ZNF790: variants seen among roughly 807,000 people sequenced by gnomAD.
ZNF790 encodes the protein zinc finger protein 790.
In ZNF790, 8 loss-of-function variants were observed where a neutral mutation model predicts 12.1. The observed-to-expected ratio is 0.66, with a 90% CI of 0.39 to 1.19. The LOEUF (loss-of-function observed/expected upper bound fraction) is 1.19, where lower values mean the gene tolerates loss of function less well. Among genes scored for constraint, ZNF790 ranks in the 50% most tolerant of loss-of-function variants. The pLI, the probability that ZNF790 is intolerant of heterozygous loss-of-function variation, is 0.01. For synonymous variants in ZNF790, 252 were observed against 244.3 expected (o/e 1.03, Z -0.29); for missense variants, 707 against 752.2 (o/e 0.94, Z 0.70).
At chr19:36,827,802 T>C (rs556662644) in intron 1 of ZNF790, 2 of 152,286 alleles carry the variant, frequency 1.3e-5, no homozygotes, top group South Asian at 2.1e-4. Context: ...GATCCTGTTA[T>C]GAAAAGCCCT....
rs775716349 is a variant in ZNF790, at chr19:36,819,182, G to C, written c.1162C>G (p.His388Asp). 2 of 1,613,972 alleles carry C rather than the reference G, an allele frequency of 1.2e-6. No individual in the cohort carries two copies. The highest frequency in any genetic ancestry group is 2.2e-5 in the South Asian group (2 of 91,072). Residue 388 changes from histidine to aspartate, a missense_variant, in exon 5 of 5, where the codon CAT becomes GAT. By Grantham distance (81) the His-to-Asp change is moderately conservative (BLOSUM62 -1). Coordinates refer to ENST00000356725, the MANE Select transcript of ZNF790 (RefSeq NM_206894.4). ...GSNLAQHQNV[H>D]VGRKPYKCEK... ...CATTTATAAGGTTTCCTACCAACAT[G>C]AACATTCTGATGTTGAGCAAGATTT...
chr19:36,827,668 A>C (rs1479135898), intron 1 of ZNF790: 1 of 152,226 alleles, frequency 6.6e-6, no homozygotes, highest in African/African-American at 2.4e-5. Flanking sequence ...CAGAGAAGAC[A>C]GGGCAAGGTG....
At chr19:36,827,141 C>CACATATATAT (rs1313807327) in intron 1 of ZNF790, among the ~76,000 whole-genome samples, 38 of 84,440 alleles carry the variant, frequency 4.5e-4, no homozygotes, top group East Asian at 1.5e-3. Context: ...CACACACACA[C>CACATATATAT]ATATATATAT....
At chr19:36,825,770 T>C (rs1285056299) in intron 1 of ZNF790, 78 bp from the exon 2 acceptor site, 1 of 844,780 alleles carries the variant, frequency 1.2e-6, no homozygotes. Flanking sequence ...TTTTCTTCCT[T>C]GGAGGTAAGT....
chr19:36,838,146 A>ACAC lies in ZNF790; in HGVS notation c.-74+190_-74+191insGTG, dbSNP rs2072089070. The ACAC allele has an allele frequency of 6.7e-6, 1 of 150,346 alleles. No homozygotes were observed. Among genetic ancestry groups the ACAC allele is most frequent in the Admixed American group, 6.6e-5 (1 of 15,078 alleles). 9.3% of individuals were successfully genotyped at this position (150,346 alleles called of 1,614,324 possible). A position where few individuals can be genotyped will look rare whatever the true frequency, so the allele number is the denominator to read the frequency against. Reference sequence around the variant, plus strand: ...CACACACATACACACACACACACACAAGCTCCCGTCGCGGCCCCAGCTCCT... The same window carrying ACAC: ...CACACACATACACACACACACACACACACAGCTCCCGTCGCGGCCCCAGCTCCT... On this transcript the variant is annotated intron_variant, in intron 1 of 4. Coordinates refer to ENST00000356725, the MANE Select transcript of ZNF790 (RefSeq NM_206894.4). This position sits in a 1 kb window ranked among gnomAD's most constrained non-coding sequence, Gnocchi z 4.4.
At chr19:36,832,569 T>A (rs1346008766) in intron 1 of ZNF790, among the ~76,000 whole-genome samples, 1 of 152,032 alleles carries the variant, frequency 6.6e-6, no homozygotes, top group Non-Finnish European at 1.5e-5. Flanking sequence ...GAGAGCCACG[T>A]TGGAAGGTGA....
At chr19:36,832,925 T>G (rs1435115246) in intron 1 of ZNF790, among the ~76,000 whole-genome samples, 1 of 150,834 alleles carries the variant, frequency 6.6e-6, no homozygotes, top group African/African-American at 2.4e-5. Context: ...GAGGACTGCC[T>G]TGAGGCCAGG....
Position 36,823,274 on chromosome 19 carries a change from C to T in ZNF790, c.229+11G>A, listed in dbSNP as rs2071716485. On this transcript the variant is annotated intron_variant, in intron 4 of 4. Transcript: ENST00000356725. ...CAATGGCCTCCTTGTGCGTGTTCAG[C>T]CCTCACTCACCTGGGCAAGGTCCTC... The T allele has an allele frequency of 6.2e-7, 1 of 1,611,192 alleles. No homozygotes were observed. Among genetic ancestry groups the T allele is most frequent in the Admixed American group, 1.7e-5 (1 of 59,948 alleles).
At chr19:36,845,086 T>C (rs868551049) in intron 1 of ZNF790, among the ~76,000 whole-genome samples, 2 of 109,164 alleles carry the variant, frequency 1.8e-5, no homozygotes, top group Middle Eastern at 7.1e-3. Flanking sequence ...AAATACTAAA[T>C]GGAGTTTTTC....
chr19:36,819,343 C>T lies in ZNF790; in HGVS notation c.1001G>A (p.Gly334Asp). ...HLIKHQRIHT[G>D]EKPYECKECG... ...CTCCTTACATTCATAAGGTTTTTCACCAGTGTGAATTCTCTGATGTTTAAT... is the reference window on the plus strand; with the variant it reads ...CTCCTTACATTCATAAGGTTTTTCATCAGTGTGAATTCTCTGATGTTTAAT... The change falls in exon 5 of 5, where the codon GGT becomes GAT. Residue 334 changes from glycine to aspartate, a missense_variant. Coordinates refer to ENST00000356725, the MANE Select transcript of ZNF790 (RefSeq NM_206894.4). 2 of 1,612,458 alleles carry T rather than the reference C, an allele frequency of 1.2e-6. No homozygotes were observed. The highest frequency in any genetic ancestry group is 1.7e-6 in the Non-Finnish European group (2 of 1,179,062).
chr19:36,847,567 T>C (rs2072191977), intron 1 of ZNF790, among the ~76,000 whole-genome samples: 1 of 151,630 alleles, frequency 6.6e-6, no homozygotes, highest in African/African-American at 2.4e-5. Context: ...CTGGACAACA[T>C]GGTGAAACCC....
In ZNF790 at chr19:36,818,504, C is replaced by G. The variant is rs747457540; in HGVS notation, c.1840G>C (p.Glu614Gln). The stretch of plus-strand genomic sequence containing the variant: ...AAATCTTTAAATTCATAGGATTTCT[C>G]AAAAGTGTAAATATTCTGGTGTTGA... ...FAQHQNIYTFEKSYEFKDFEK... is the reference protein window; with the variant it reads ...FAQHQNIYTFQKSYEFKDFEK... Residue 614 changes from glutamate (E) to glutamine (Q), a missense_variant, in exon 5 of 5, where the codon GAG becomes CAG. Glu to Gln is a conservative substitution (Grantham distance 29). Transcript: ENST00000356725. The G allele has an allele frequency of 1.1e-5, 17 of 1,589,140 alleles. No homozygotes were observed. Among genetic ancestry groups the G allele is most frequent in the African/African-American group, 2.7e-5 (2 of 74,194 alleles).
chr19:36,820,898 T>G (rs938126673), intron 4 of ZNF790, among the ~76,000 whole-genome samples: 11 of 150,422 alleles, frequency 7.3e-5, no homozygotes, highest in Non-Finnish European at 4.4e-5. Context: ...CTGTCTTTTT[T>G]TTTTTTTTTT....
upstream of ZNF790, among the ~76,000 whole-genome samples, chr19:36,840,812 C>G (rs1298967826): frequency 2.0e-5 from 3 of 152,082 alleles, no homozygotes; most frequent in Non-Finnish European, 2.9e-5. Flanking sequence ...AATTACAAGA[C>G]ACATGAAAAG....
chr19:36,850,700 C>T (rs1166061515), upstream of ZNF790: 1 of 152,200 alleles, frequency 6.6e-6, no homozygotes, highest in African/African-American at 2.4e-5. Context: ...GGCAGCTCAC[C>T]TCAAAGAGAT....
intron 1 of ZNF790, among the ~76,000 whole-genome samples, chr19:36,849,604 T>C (rs1040381627): frequency 1.3e-5 from 2 of 152,244 alleles, no homozygotes; most frequent in Admixed American, 6.5e-5. Flanking sequence ...AAAAATGCTA[T>C]TTTATTATAT....
chr19:36,821,687 G>A (rs1297884466), intron 4 of ZNF790, among the ~76,000 whole-genome samples: 1 of 152,006 alleles, frequency 6.6e-6, no homozygotes, highest in Non-Finnish European at 1.5e-5. Flanking sequence ...GGGTTCAAGC[G>A]ATTCTCCTGC....
At chr19:36,840,435 C>G (rs1212565631), upstream of ZNF790, among the ~76,000 whole-genome samples, 1 of 152,158 alleles carries the variant, frequency 6.6e-6, no homozygotes, top group Non-Finnish European at 1.5e-5. Flanking sequence ...ATTTGTTCCC[C>G]AGCAGTGAGT....
intron 1 of ZNF790, among the ~76,000 whole-genome samples, chr19:36,827,141 C>CACATATATATATATATATATATATATAT (rs1313807327): frequency 1.2e-5 from 1 of 84,440 alleles, no homozygotes; most frequent in Non-Finnish European, 2.1e-5. Context: ...CACACACACA[C>CACATATATATATATATATATATATATAT]ATATATATAT....
Sources: allele counts gnomAD v4.1 joint callset (sites outside exome capture counted in the v4.1 genomes callset), GRCh38; gene constraint gnomAD v4.1.1; non-coding constraint Gnocchi (gnomAD v3.1); transcripts MANE v1.5; gene names NCBI Gene and HGNC (gene_info 2026-07-23, HGNC 2026-07-21).